Variants in DCTN1 observed in about 807,000 individuals in gnomAD.
DCTN1 encodes the protein 150 kDa dynein-associated polypeptide.
DCTN1 carries 61 observed loss-of-function variants against 161.2 expected under a neutral mutation model. The ratio of observed to expected loss-of-function variants is 0.38; its 90% CI spans 0.31 to 0.47. The LOEUF (loss-of-function observed/expected upper bound fraction) is 0.47. Among genes scored for constraint, DCTN1 ranks in the 20% least tolerant of loss-of-function variants. DCTN1 has a pLI of 0.99. For synonymous variants in DCTN1, 653 were observed against 632.4 expected (o/e 1.03, Z -0.49); for missense variants, 1,404 against 1,623.7 (o/e 0.86, Z 2.33).
In DCTN1 at chr2:74,361,472, GA is replaced by G; in HGVS notation, c.*26del. 1 of 1,613,800 alleles carries G rather than the reference GA, an allele frequency of 6.2e-7. No homozygotes were observed. Among genetic ancestry groups the G allele is most frequent in the Non-Finnish European group, 8.5e-7 (1 of 1,179,978 alleles). On this transcript the variant is annotated 3_prime_UTR_variant, in exon 32 of 32. Transcript: ENST00000628224. Reference sequence around the variant, plus strand: ...GAGCGGCACCAGAGGGCTGAGGGTCGAAGGGGACAGCAGGGGAAAGGAGTGC... The same window carrying G: ...GAGCGGCACCAGAGGGCTGAGGGTCGAGGGGACAGCAGGGGAAAGGAGTGC...
intron 1 of DCTN1, among the ~76,000 whole-genome samples, chr2:74,388,936 T>C (rs745704938): frequency 2.0e-5 from 3 of 152,082 alleles, no homozygotes; most frequent in Non-Finnish European, 2.9e-5. Flanking sequence ...TAACCCTCAG[T>C]AAACATGGCT....
Position 74,370,664 on chromosome 2 carries a change from G to C in DCTN1, c.1005C>G (p.Leu335=). Residue 335 remains leucine (L), a synonymous_variant, in exon 10 of 32, where the codon CTC becomes CTG. Coordinates refer to ENST00000628224, the MANE Select transcript of DCTN1 (RefSeq NM_004082.5). This position sits in a 1 kb window ranked among gnomAD's most constrained non-coding sequence, Gnocchi z 4.4. ...VEALKERVDE[L]TTDLEILKAE... is the part of the protein sequence containing the mutation. Reference sequence around the variant, plus strand: ...CCTTGAGGATCTCTAAGTCAGTAGTGAGCTCGTCCACCCGCTCCTTCAGTG... The same window carrying C: ...CCTTGAGGATCTCTAAGTCAGTAGTCAGCTCGTCCACCCGCTCCTTCAGTG... 6.2e-7 allele frequency: 1 copy of C among 1,614,156 alleles called. No individual in the cohort carries two copies. Among genetic ancestry groups the C allele is most frequent in the Non-Finnish European group, 8.5e-7 (1 of 1,180,040 alleles).
At chr2:74,391,239 T>A (rs1325224232) in intron 1 of DCTN1, 1 of 157,640 alleles carries the variant, frequency 6.3e-6, no homozygotes, top group Non-Finnish European at 1.4e-5. Context: ...CTGCAATAAA[T>A]GACGGTAAGT....
At chr2:74,365,288 C>G (rs369906180) in intron 25 of DCTN1, 47 bp from the exon 26 acceptor site, 1 of 1,610,230 alleles carries the variant, frequency 6.2e-7, no homozygotes, top group Non-Finnish European at 8.5e-7. Context: ...CTCTAAAGCA[C>G]TCCTTGACTA....
upstream of DCTN1, chr2:74,380,318 G>C (rs566961027): frequency 1.7e-6 from 1 of 574,118 alleles, no homozygotes; most frequent in Non-Finnish European, 3.2e-6. Context: ...CTCTGCGCTA[G>C]TGCTGCTCTA....
At position 74,363,360 on chromosome 2, in the gene DCTN1, C is replaced by A. The variant is rs937113895; in HGVS notation, c.3279G>T (p.Leu1093=). 3 of 1,612,558 alleles carry A rather than the reference C, an allele frequency of 1.9e-6. No homozygotes were observed. In the African/African-American group the frequency reaches 4.0e-5, roughly 22 times the overall value. Residue 1093 remains leucine, a synonymous_variant, in exon 28 of 32, where the codon CTG becomes CTT. Transcript: ENST00000628224. ...GCCTCATGGCAGAGATCTGCTGAAGCAGCAGTGGTGAGTCCTTCACCAGCC... is the reference window on the plus strand; with the variant it reads ...GCCTCATGGCAGAGATCTGCTGAAGAAGCAGTGGTGAGTCCTTCACCAGCC... ...GPGLVKDSPL[L]LQQISAMRLH...
chr2:74,365,369 T>G, intron 25 of DCTN1, 128 bp from the exon 26 acceptor site: 1 of 1,549,472 alleles, frequency 6.5e-7, no homozygotes, highest in Non-Finnish European at 8.8e-7. Context: ...AGGCTTAGGC[T>G]GGGGTGATGC....
At position 74,374,787 on chromosome 2, in the gene DCTN1, A is replaced by C. The variant is rs1330173977; in HGVS notation, c.415-447T>G. The C allele has an allele frequency of 2.2e-5, 24 of 1,081,826 alleles. No individual in the cohort carries two copies. The East Asian group carries it at 4.9e-4, about 22-fold the overall frequency. 67.0% of individuals were successfully genotyped at this position (1,081,826 alleles called of 1,614,324 possible). On this transcript the variant is annotated intron_variant, in intron 5 of 31. Transcript: ENST00000628224. ...AGGGCTTTGCTGGCTCCTCCTCCTC[A>C]TGACAGTCATGCGCAGAGCTTGTCC...
At position 74,365,261 on chromosome 2, in the gene DCTN1, C is replaced by A; in HGVS notation, c.3030-20G>T. The A allele has an allele frequency of 6.2e-7, 1 of 1,614,006 alleles. No individual in the cohort carries two copies. Among genetic ancestry groups the A allele is most frequent in the Non-Finnish European group, 8.5e-7 (1 of 1,179,936 alleles). ...AACTCTCTGTGAAAGAGAATCTGGG[C>A]TTTGGCAGTGTCCCTTCTCTAAAGC... is the stretch of plus-strand genomic sequence containing the variant. On this transcript the variant is annotated intron_variant, in intron 25 of 31. Transcript: ENST00000628224.
upstream of DCTN1, among the ~76,000 whole-genome samples, chr2:74,384,674 CCT>C (rs1043442087): frequency 1.9e-4 from 29 of 152,252 alleles, no homozygotes; most frequent in Non-Finnish European, 2.4e-4. Context: ...CCATTTCTCC[CCT>C]GTCTGAACCA....
chr2:74,377,563 A>G (rs1675297847), intron 3 of DCTN1, 85 bp downstream of exon 3: 2 of 1,521,004 alleles, frequency 1.3e-6, no homozygotes, highest in East Asian at 2.3e-5. Flanking sequence ...AAATCTTAGG[A>G]TCTACTGTGG....
chr2:74,366,192 A>G, intron 23 of DCTN1, 52 bp downstream of exon 23: 1 of 1,613,230 alleles, frequency 6.2e-7, no homozygotes, highest in Non-Finnish European at 8.5e-7. Context: ...GTAGCTCTGC[A>G]AGTCTTACTC....
chr2:74,366,422 C>T (rs200278283), intron 22 of DCTN1, 37 bp downstream of exon 22: 12 of 1,614,210 alleles, frequency 7.4e-6, no homozygotes, highest in African/African-American at 1.3e-5. Flanking sequence ...TGGTCACTAA[C>T]TCTCCCCACA....
rs747655469 is a variant in DCTN1 at position 74,366,856 on chromosome 2, C to T, written c.2393G>A (p.Cys798Tyr). The change falls in exon 21 of 32, where the codon TGC (cysteine) becomes TAC (tyrosine). Residue 798 changes from cysteine to tyrosine, a missense_variant. Coordinates refer to ENST00000628224, the MANE Select transcript of DCTN1 (RefSeq NM_004082.5). Reference sequence around the variant, plus strand: ...TGGCATTCGCCTTCGGATCTTCTTGCAGAACTGGCGGATGTCACTGCATGA... The same window carrying T: ...TGGCATTCGCCTTCGGATCTTCTTGTAGAACTGGCGGATGTCACTGCATGA... The part of the protein sequence containing the change: ...ETSCSDIRQF[C>Y]KKIRRRMPGT... The T allele has an allele frequency of 6.2e-7, 1 of 1,614,250 alleles. No individual in the cohort carries two copies. The highest frequency in any genetic ancestry group is 1.3e-5 in the African/African-American group (1 of 75,066).
At position 74,369,872 on chromosome 2, in the gene DCTN1, T is replaced by A; in HGVS notation, c.1392+93A>T. On this transcript the variant is annotated intron_variant, in intron 13 of 31. Transcript: ENST00000628224. This position sits in a 1 kb window ranked among gnomAD's most constrained non-coding sequence, Gnocchi z 4.9. Reference sequence around the variant, plus strand: ...GGGTAGCAAGCCCAGGCTGGGTCCCTCACCGCACACCCTGCTCAAAGGCCA... The same window carrying A: ...GGGTAGCAAGCCCAGGCTGGGTCCCACACCGCACACCCTGCTCAAAGGCCA... 20 of 1,117,760 alleles carry A rather than the reference T, an allele frequency of 1.8e-5. No individual in the cohort carries two copies. The highest frequency in any genetic ancestry group is 3.1e-5 in the African/African-American group (2 of 63,714). 69.2% of individuals were successfully genotyped at this position (1,117,760 alleles called of 1,614,324 possible).
intron 19 of DCTN1, 70 bp from the exon 20 acceptor site, chr2:74,367,177 A>G: frequency 6.3e-7 from 1 of 1,592,176 alleles, no homozygotes; most frequent in Non-Finnish European, 8.6e-7. Flanking sequence ...CATCTCTAAG[A>G]AGTCCCCATC....
At chr2:74,384,040 G>A (rs1051283294), upstream of DCTN1, among the ~76,000 whole-genome samples, 1 of 152,134 alleles carries the variant, frequency 6.6e-6, no homozygotes, top group Admixed American at 6.5e-5. Flanking sequence ...AATACACTCA[G>A]GAGTTTTCAA....
intron 6 of DCTN1, 124 bp downstream of exon 6, chr2:74,374,199 G>A (rs763010879): frequency 1.3e-5 from 14 of 1,039,648 alleles, no homozygotes; most frequent in Non-Finnish European, 1.8e-5. Context: ...ACCCACCTTC[G>A]TCCTCACCCG....
At chr2:74,383,768 G>A (rs1372669788), upstream of DCTN1, 2 of 152,214 alleles carry the variant, frequency 1.3e-5, no homozygotes, top group Non-Finnish European at 2.9e-5. Context: ...GTTCTCCTCT[G>A]AGCAAGATAT....
Sources: allele counts gnomAD v4.1 joint callset (sites outside exome capture counted in the v4.1 genomes callset), GRCh38; gene constraint gnomAD v4.1.1; non-coding constraint Gnocchi (gnomAD v3.1); transcripts MANE v1.5; gene names NCBI Gene and HGNC (gene_info 2026-07-23, HGNC 2026-07-21).